DRC9: variants seen among roughly 807,000 people sequenced by gnomAD.
DRC9 encodes the protein dynein regulatory complex subunit 9.
chr3:197,939,286 A>C, the DRC9 span, among the ~76,000 whole-genome samples: 1 of 152,240 alleles, frequency 6.6e-6, no homozygotes, highest in Non-Finnish European at 1.5e-5. Flanking sequence ...TGAACATATG[A>C]ACTTGAAATA....
At chr3:197,949,667 T>G in the DRC9 span, 1 of 157,400 alleles carries the variant, frequency 6.4e-6, no homozygotes, top group Non-Finnish European at 1.4e-5. Context: ...GATAAATAAG[T>G]AGAGGGGAGA....
At chr3:197,943,781 G>A in the DRC9 span, 82,596 of 1,613,570 alleles carry the variant, frequency 0.051, 2,520 homozygotes, top group African/African-American at 0.098. Context: ...TCTATACCAC[G>A]CAGATGCTCT....
the DRC9 span, chr3:197,953,677 G>C: frequency 2.7e-5 from 12 of 441,054 alleles, no homozygotes; most frequent in Middle Eastern, 6.0e-4. Flanking sequence ...CCTCCTTTCT[G>C]TACACACAAA....
the DRC9 span, chr3:197,912,622 A>T: frequency 2.5e-6 from 3 of 1,221,034 alleles, no homozygotes; most frequent in Non-Finnish European, 3.6e-6. Context: ...TTTCCTCAGT[A>T]TAAGCAGAGT....
the DRC9 span, among the ~76,000 whole-genome samples, chr3:197,937,978 G>A: frequency 6.6e-6 from 1 of 151,678 alleles, no homozygotes; most frequent in South Asian, 2.1e-4. Context: ...AGGAAAAAAA[G>A]AAAAAGAAAA....
chr3:197,891,530 C>G, the DRC9 span: 1 of 1,587,142 alleles, frequency 6.3e-7, no homozygotes, highest in Non-Finnish European at 8.7e-7. Context: ...CAATGATGAC[C>G]TGTTCATACT....
the DRC9 span, among the ~76,000 whole-genome samples, chr3:197,946,509 CCCT>C: frequency 6.6e-6 from 1 of 151,648 alleles, no homozygotes; most frequent in African/African-American, 2.4e-5. Context: ...AAGATGTTAC[CCCT>C]CCTCAGTAAA....
the DRC9 span, chr3:197,912,620 G>T: frequency 8.3e-7 from 1 of 1,199,690 alleles, no homozygotes; most frequent in Non-Finnish European, 1.2e-6. Flanking sequence ...TGTTTCCTCA[G>T]TATAAGCAGA....
chr3:197,931,860 C>T, the DRC9 span, among the ~76,000 whole-genome samples: 6,364 of 151,970 alleles, frequency 0.042, 205 homozygotes, highest in African/African-American at 0.088. Flanking sequence ...CTCCTGACCT[C>T]GTGATCCGCC....
chr3:197,926,119 G>A, the DRC9 span: 9 of 1,421,384 alleles, frequency 6.3e-6, no homozygotes, highest in South Asian at 2.3e-5. Context: ...GAAGATATAA[G>A]AATGATTTGT....
At chr3:197,915,193 G>A in the DRC9 span, among the ~76,000 whole-genome samples, 282 of 95,118 alleles carry the variant, frequency 3.0e-3, no homozygotes, top group East Asian at 3.3e-3. Flanking sequence ...AAAAGAAAAA[G>A]AAAAAAAGGA....
the DRC9 span, among the ~76,000 whole-genome samples, chr3:197,921,908 G>A: frequency 1.4e-5 from 2 of 140,130 alleles, no homozygotes; most frequent in Admixed American, 6.8e-5. Context: ...TGGTTGACCC[G>A]ACTACTGGTT....
At chr3:197,938,543 C>T in the DRC9 span, 1 of 1,602,520 alleles carries the variant, frequency 6.2e-7, no homozygotes, top group East Asian at 2.2e-5. Flanking sequence ...GTCTTCCTTC[C>T]TTACCTATCA....
At chr3:197,920,753 CT>C in the DRC9 span, among the ~76,000 whole-genome samples, 6 of 152,068 alleles carry the variant, frequency 3.9e-5, no homozygotes, top group African/African-American at 2.4e-5. Flanking sequence ...AATCTTGGTT[CT>C]TTTTTTCCCA....
chr3:197,919,440 T>C, the DRC9 span, among the ~76,000 whole-genome samples: 8 of 152,316 alleles, frequency 5.3e-5, no homozygotes, highest in African/African-American at 1.7e-4. Flanking sequence ...AAGAAAAGAT[T>C]TGCCTTCACT....
chr3:197,933,031 A>G, the DRC9 span, among the ~76,000 whole-genome samples: 2 of 141,162 alleles, frequency 1.4e-5, no homozygotes, highest in South Asian at 2.1e-4. Context: ...ATAAAATATT[A>G]TATATTATAC....
the DRC9 span, chr3:197,950,776 G>A: frequency 1.5e-6 from 1 of 646,758 alleles, no homozygotes; most frequent in Non-Finnish European, 2.7e-6. Context: ...ATGTCTTGCC[G>A]GACCCTGCGT....
chr3:197,895,313 A>G, the DRC9 span, among the ~76,000 whole-genome samples: 108 of 152,340 alleles, frequency 7.1e-4, 2 homozygotes, highest in Non-Finnish European at 2.4e-4. Flanking sequence ...TCTGTCACCC[A>G]GGCTGGAGTA....
At chr3:197,910,850 T>C in the DRC9 span, among the ~76,000 whole-genome samples, 1 of 152,018 alleles carries the variant, frequency 6.6e-6, no homozygotes, top group Non-Finnish European at 1.5e-5. Flanking sequence ...CGTGCGCCTG[T>C]AATCCCAGCT....
Sources: gnomAD v4.1 joint callset for allele counts (sites outside exome capture counted in the v4.1 genomes callset) on GRCh38, gnomAD v4.1.1 for gene constraint, MANE v1.5 for transcripts, NCBI Gene and HGNC (gene_info 2026-07-23, HGNC 2026-07-21) for gene names.